The following SEMA4F variants were observed in gnomAD, a reference collection of about 807,000 sequenced individuals.
The protein encoded by SEMA4F is ssemaphorin 4F.
A neutral mutation model predicts 78.4 loss-of-function variants in SEMA4F; 51 were observed. The ratio of observed to expected loss-of-function variants is 0.65; its 90% confidence interval spans 0.52 to 0.82. SEMA4F has a LOEUF of 0.82. Ranked by LOEUF, SEMA4F falls within the 40% of genes least tolerant of loss-of-function variation. The pLI is 0.00. For missense variants in SEMA4F, 938 were observed against 1,014.4 expected, an observed-to-expected ratio of 0.92 and a Z score of 1.02; for synonymous variants, 418 against 408.7, an observed-to-expected ratio of 1.02 and a Z score of -0.27.
intron 5 of SEMA4F, among the ~76,000 whole-genome samples, chr2:74,668,577 A>G (rs1684813413): frequency 6.6e-6 from 1 of 152,044 alleles, no homozygotes. Flanking sequence ...AAGGCAGTGG[A>G]AGAAGAAAGG....
the SEMA4F span, among the ~76,000 whole-genome samples, chr2:74,708,946 G>T: frequency 6.6e-6 from 1 of 152,046 alleles, no homozygotes; most frequent in African/African-American, 2.4e-5. Context: ...TAAGAGGATC[G>T]CTTGAGCCCA....
the SEMA4F span, among the ~76,000 whole-genome samples, chr2:74,698,452 T>C: frequency 2.6e-5 from 4 of 152,216 alleles, no homozygotes; most frequent in African/African-American, 9.6e-5. Context: ...GAGCTATCCT[T>C]TTCCAGACAG....
chr2:74,667,702 A>T (rs925601446), intron 5 of SEMA4F, among the ~76,000 whole-genome samples: 2 of 152,218 alleles, frequency 1.3e-5, no homozygotes, highest in Non-Finnish European at 2.9e-5. Context: ...ATATTTTGAC[A>T]TTCACATTAG....
chr2:74,680,160 T>G lies in SEMA4F; in HGVS notation c.2264T>G (p.Ile755Ser), dbSNP rs767381496. The part of the protein sequence containing the change: ...LLDPCPSPAH[I>S]RLTGAPLATC... ...GATCCTTGCCCAAGCCCAGCCCACA[T>G]TCGGCTAACTGGGGCTCCTCTAGCC... Residue 755 changes from isoleucine to serine, a missense_variant, in exon 14 of 14, where the codon ATT becomes AGT. Ile to Ser is a moderately radical substitution (Grantham distance 142). Coordinates refer to ENST00000357877, the MANE Select transcript of SEMA4F (RefSeq NM_004263.5). 5.0e-6 allele frequency: 8 copies of G among 1,600,012 alleles called. No homozygotes were observed. In the Admixed American group the frequency reaches 6.7e-5, roughly 13 times the overall value.
At chr2:74,700,738 G>T in the SEMA4F span, among the ~76,000 whole-genome samples, 2 of 152,158 alleles carry the variant, frequency 1.3e-5, no homozygotes, top group Admixed American at 6.5e-5. Context: ...CAAATCTCAG[G>T]CACTGGTTCC....
At chr2:74,655,327 AG>A in intron 1 of SEMA4F, 1 of 399,420 alleles carries the variant, frequency 2.5e-6, no homozygotes, top group African/African-American at 2.1e-5. Context: ...GGAAGAAGCT[AG>A]GAGACGTCAC....
downstream of SEMA4F, among the ~76,000 whole-genome samples, chr2:74,688,431 A>G (rs1207661423): frequency 6.6e-6 from 1 of 152,260 alleles, no homozygotes; most frequent in African/African-American, 2.4e-5. Context: ...AATACTTGAA[A>G]AAATGTTAAC....
the SEMA4F span, among the ~76,000 whole-genome samples, chr2:74,691,873 A>G: frequency 6.6e-6 from 1 of 152,212 alleles, no homozygotes; most frequent in Non-Finnish European, 1.5e-5. Flanking sequence ...GATCAAGGCC[A>G]GCTTTGATCT....
At chr2:74,663,720 G>A (rs1684540221) in intron 5 of SEMA4F, among the ~76,000 whole-genome samples, 1 of 152,108 alleles carries the variant, frequency 6.6e-6, no homozygotes, top group South Asian at 2.1e-4. Flanking sequence ...ATTACTGCCA[G>A]GACAGCACCA....
downstream of SEMA4F, among the ~76,000 whole-genome samples, chr2:74,688,723 T>G (rs363614): frequency 0.35 from 53,260 of 152,168 alleles, 15,090 homozygotes; most frequent in East Asian, 0.82. Flanking sequence ...TACTCAAAAT[T>G]TAGATCTTGT....
chr2:74,690,567 A>G, the SEMA4F span, among the ~76,000 whole-genome samples: 1 of 152,232 alleles, frequency 6.6e-6, no homozygotes, highest in Non-Finnish European at 1.5e-5. Context: ...ACTAATATGC[A>G]TTACACTTGA....
In SEMA4F at chr2:74,680,285, C is replaced by T. The variant is rs941764168; in HGVS notation, c.*76C>T. 2.9e-5 allele frequency: 43 copies of T among 1,468,858 alleles called. No homozygotes were observed. The highest frequency in any genetic ancestry group is 1.1e-4 in the South Asian group (8 of 72,114). The allele number at this position is 1,468,858 out of a possible 1,614,324, so 91.0% of individuals were successfully genotyped here. On this transcript the variant is annotated 3_prime_UTR_variant, in exon 14 of 14. Coordinates refer to ENST00000357877, the MANE Select transcript of SEMA4F (RefSeq NM_004263.5). ...CACTGAGATGCTGGGGGTCACTGGGCCTGGAAGACCATCCCAGCCTCTGAG... is the reference window on the plus strand; with the variant it reads ...CACTGAGATGCTGGGGGTCACTGGGTCTGGAAGACCATCCCAGCCTCTGAG...
chr2:74,675,391 T>G lies in SEMA4F; in HGVS notation c.1372+7T>G, dbSNP rs1558733123. 12 of 1,611,804 alleles carry G rather than the reference T, an allele frequency of 7.4e-6. No homozygotes were observed. The highest frequency in any genetic ancestry group is 9.3e-6 in the Non-Finnish European group (11 of 1,178,454). On this transcript the variant is annotated splice_region_variant and intron_variant, in intron 10 of 13. Coordinates refer to ENST00000357877, the MANE Select transcript of SEMA4F (RefSeq NM_004263.5). ...GTGCTCTACCTGGGGACAGGTATAT[T>G]TAATGGTCAAGCAGGCTGCCTACCT...
rs952569468 is a variant in SEMA4F, at chr2:74,683,653, C to T, written c.*3444C>T. ...CCTCTGTATGGGCTTGGATGAGGAG[C>T]TTCTCAGCGGCAGTCATAAGAACCA... On this transcript the variant is annotated 3_prime_UTR_variant, in exon 14 of 14. Transcript: ENST00000357877. 2 of 152,084 alleles carry T rather than the reference C, an allele frequency of 1.3e-5. No homozygotes were observed. Among genetic ancestry groups the T allele is most frequent in the Non-Finnish European group, 2.9e-5 (2 of 68,016 alleles). The allele number at this position is 152,084 out of a possible 1,614,324, so 9.4% of individuals were successfully genotyped here.
intron 5 of SEMA4F, among the ~76,000 whole-genome samples, chr2:74,664,666 T>A (rs1447161526): frequency 6.6e-6 from 1 of 152,232 alleles, no homozygotes; most frequent in Non-Finnish European, 1.5e-5. Flanking sequence ...TCTTTGCTAT[T>A]TTGAGTCTAA....
At chr2:74,701,306 GC>G in the SEMA4F span, among the ~76,000 whole-genome samples, 1 of 152,060 alleles carries the variant, frequency 6.6e-6, no homozygotes, top group Non-Finnish European at 1.5e-5. Flanking sequence ...GGACCCACTA[GC>G]TTTTTCAGCT....
At chr2:74,707,691 G>A in the SEMA4F span, among the ~76,000 whole-genome samples, 1 of 152,150 alleles carries the variant, frequency 6.6e-6, no homozygotes, top group Non-Finnish European at 1.5e-5. Context: ...GAGTTGAGGA[G>A]AGTTTTACAA....
rs918688619 is a variant in SEMA4F, at chr2:74,660,490, C to G, written c.457-2242C>G. ...AAAGGACCAGTTCCAACCCATAGCT[C>G]AGAGAGAGCCTTCCTGTCCAGCTCC... On this transcript the variant is annotated intron_variant, in intron 4 of 13. Transcript: ENST00000357877. 2.0e-5 allele frequency among the ~76,000 whole-genome samples: 3 copies of G among 152,272 alleles called. No individual in the cohort carries two copies. The South Asian group carries it at 6.2e-4, about 31-fold the overall frequency.
At chr2:74,677,119 C>G in intron 12 of SEMA4F, among the ~76,000 whole-genome samples, 1 of 152,164 alleles carries the variant, frequency 6.6e-6, no homozygotes, top group East Asian at 1.9e-4. Flanking sequence ...CCAGGCTGGT[C>G]TGGAACTCCT....
Sources: gnomAD v4.1 joint callset for allele counts (sites outside exome capture counted in the v4.1 genomes callset) on GRCh38, gnomAD v4.1.1 for gene constraint, MANE v1.5 for transcripts, NCBI Gene and HGNC (gene_info 2026-07-23, HGNC 2026-07-21) for gene names.